SH3RF3: variants seen among roughly 807,000 people sequenced by gnomAD.
The protein encoded by SH3RF3 is SH3 domain containing ring finger 3, also known as E3 ubiquitin-protein ligase SH3RF3.
In SH3RF3, 29 loss-of-function variants were observed where a neutral mutation model predicts 66.3. The observed-to-expected ratio is 0.44, with a 90% CI of 0.33 to 0.60. The LOEUF is 0.60. SH3RF3 is among the 20% of genes least tolerant of loss of function. SH3RF3 has a pLI of 0.04. For synonymous variants in SH3RF3, 583 were observed against 532.0 expected (o/e 1.10, Z -1.32); for missense variants, 1,194 against 1,190.9 (o/e 1.00, Z -0.04).
In SH3RF3 at chr2:109,419,772, G is replaced by T. The variant is rs992879860; in HGVS notation, c.1403+130G>T. 2.0e-5 allele frequency: 16 copies of T among 780,542 alleles called. No individual in the cohort carries two copies. In the East Asian group the frequency reaches 4.3e-4, roughly 21 times the overall value. 48.4% of individuals were successfully genotyped at this position (780,542 alleles called of 1,614,324 possible). On this transcript the variant is annotated intron_variant, in intron 5 of 9. Coordinates refer to ENST00000309415, the MANE Select transcript of SH3RF3 (RefSeq NM_001099289.3). ...CTAGTTGGCCAGTATAGTTATGTGC[G>T]TCTAATAACACCGCTGAAGGGAGAG... is the stretch of plus-strand genomic sequence containing the variant.
intron 1 of SH3RF3, among the ~76,000 whole-genome samples, chr2:109,320,880 G>A (rs529852703): frequency 1.3e-3 from 194 of 152,276 alleles, no homozygotes; most frequent in Non-Finnish European, 2.3e-3. Context: ...CCTGCCCTAC[G>A]ATACTCATCA....
At chr2:109,488,683 C>T (rs1050455807) in intron 8 of SH3RF3, among the ~76,000 whole-genome samples, 10 of 152,324 alleles carry the variant, frequency 6.6e-5, no homozygotes, top group African/African-American at 2.4e-4. Flanking sequence ...AGTTGTGCCG[C>T]CAACAAGAGT....
At chr2:109,364,096 T>C (rs1683109308) in intron 2 of SH3RF3, among the ~76,000 whole-genome samples, 2 of 152,124 alleles carry the variant, frequency 1.3e-5, no homozygotes, top group Admixed American at 1.3e-4. Context: ...CCATTACATA[T>C]GTATAATTGC....
chr2:109,414,631 G>C (rs1354257158), intron 4 of SH3RF3, among the ~76,000 whole-genome samples: 2 of 152,118 alleles, frequency 1.3e-5, no homozygotes, highest in Admixed American at 6.6e-5. Flanking sequence ...CATGACCCCA[G>C]ATCTGCTGCC....
intron 1 of SH3RF3, among the ~76,000 whole-genome samples, chr2:109,296,627 A>G (rs1681315585): frequency 6.6e-6 from 1 of 152,122 alleles, no homozygotes; most frequent in Non-Finnish European, 1.5e-5. Flanking sequence ...ACTCAGGGTA[A>G]ATGAGCTGGG....
At chr2:109,323,684 G>A (rs1003920104) in intron 1 of SH3RF3, among the ~76,000 whole-genome samples, 3 of 152,226 alleles carry the variant, frequency 2.0e-5, no homozygotes, top group Admixed American at 6.5e-5. Context: ...CCTGTGCCTC[G>A]AGGAGATAAG....
rs551431625 is a variant in SH3RF3, at chr2:109,254,865, G to A, written c.574-92809G>A. ...CAGTATCTGCTCTCTGTGGATGTCC[G>A]AATTCTCACGGGTGGGCTCAGCGAG... On this transcript the variant is annotated intron_variant, in intron 1 of 9. Coordinates refer to ENST00000309415, the MANE Select transcript of SH3RF3 (RefSeq NM_001099289.3). 5.9e-5 allele frequency among the ~76,000 whole-genome samples: 9 copies of A among 152,286 alleles called. No homozygotes were observed. In the South Asian group the frequency reaches 1.0e-3, roughly 18 times the overall value.
At chr2:109,467,021 T>G (rs191095305) in intron 8 of SH3RF3, among the ~76,000 whole-genome samples, 2 of 152,338 alleles carry the variant, frequency 1.3e-5, no homozygotes, top group Admixed American at 1.3e-4. Context: ...TTTAAAGGGT[T>G]AGGCTGAGAA....
intron 1 of SH3RF3, among the ~76,000 whole-genome samples, chr2:109,141,234 A>G (rs1676940982): frequency 6.6e-6 from 1 of 151,932 alleles, no homozygotes; most frequent in Admixed American, 6.6e-5. Context: ...TGTTTCAGTG[A>G]CCCTTCCTCA....
At chr2:109,391,195 A>G (rs772308565) in intron 3 of SH3RF3, among the ~76,000 whole-genome samples, 13 of 152,220 alleles carry the variant, frequency 8.5e-5, no homozygotes, top group Non-Finnish European at 1.3e-4. Flanking sequence ...TTAGGCAGCC[A>G]TTTGTGCAGT....
chr2:109,142,333 C>T (rs1172289599), intron 1 of SH3RF3, among the ~76,000 whole-genome samples: 2 of 152,202 alleles, frequency 1.3e-5, no homozygotes, highest in Non-Finnish European at 2.9e-5. Flanking sequence ...AATTCCCATG[C>T]ATGTTATATT....
At chr2:109,348,009 T>C in intron 2 of SH3RF3, 60 bp downstream of exon 2, 1 of 1,533,328 alleles carries the variant, frequency 6.5e-7, no homozygotes, top group Non-Finnish European at 8.8e-7. Context: ...CACCCAGGGC[T>C]CTTCCCAGCC....
chr2:109,386,880 A>G (rs780662348), intron 3 of SH3RF3, among the ~76,000 whole-genome samples: 1 of 152,212 alleles, frequency 6.6e-6, no homozygotes, highest in Non-Finnish European at 1.5e-5. Flanking sequence ...TACAAAATCA[A>G]AAAAAATCTG....
chr2:109,236,802 C>T (rs1679660366), intron 1 of SH3RF3, among the ~76,000 whole-genome samples: 1 of 152,144 alleles, frequency 6.6e-6, no homozygotes, highest in African/African-American at 2.4e-5. Context: ...AGGAAACAGC[C>T]TATACATTTA....
chr2:109,458,946 G>A (rs7424652), intron 8 of SH3RF3, among the ~76,000 whole-genome samples: 9,015 of 152,152 alleles, frequency 0.059, 278 homozygotes, highest in South Asian at 0.089. Flanking sequence ...CACCATCACC[G>A]TCCATCCTTT....
At chr2:109,423,553 C>G (rs192089779) in intron 5 of SH3RF3, among the ~76,000 whole-genome samples, 1 of 152,298 alleles carries the variant, frequency 6.6e-6, no homozygotes, top group East Asian at 1.9e-4. Flanking sequence ...CTGCACTCAG[C>G]CTGCAATGAA....
chr2:109,289,945 G>T (rs1434455885), intron 1 of SH3RF3, among the ~76,000 whole-genome samples: 1 of 152,184 alleles, frequency 6.6e-6, no homozygotes, highest in Non-Finnish European at 1.5e-5. Flanking sequence ...AGCCTATGGG[G>T]CTCTTGGAGT....
At chr2:109,301,778 G>T (rs776172001) in intron 1 of SH3RF3, among the ~76,000 whole-genome samples, 2 of 152,108 alleles carry the variant, frequency 1.3e-5, no homozygotes, top group Admixed American at 1.3e-4. Context: ...ATCCTTTTTG[G>T]GTGGGTTGCC....
intron 1 of SH3RF3, among the ~76,000 whole-genome samples, chr2:109,184,567 G>C (rs1436069014): frequency 6.6e-6 from 1 of 152,206 alleles, no homozygotes; most frequent in African/African-American, 2.4e-5. Flanking sequence ...GAGCCCCTCT[G>C]ATCCAGGTTG....
Sources: allele counts gnomAD v4.1 joint callset (sites outside exome capture counted in the v4.1 genomes callset), GRCh38; gene constraint gnomAD v4.1.1; transcripts MANE v1.5; gene names NCBI Gene and HGNC (gene_info 2026-07-23, HGNC 2026-07-21).